PSMA1: variants seen among roughly 807,000 people sequenced by gnomAD.
PSMA1 encodes proteasome 20S subunit alpha 1, also known as proteasome subunit alpha type-1.
In PSMA1, 3 loss-of-function variants were observed where a neutral mutation model predicts 38.4. The ratio of observed to expected loss-of-function variants is 0.08; its 90% CI spans 0.04 to 0.20. The LOEUF is 0.20. Among genes scored for constraint, PSMA1 ranks in the 10% least tolerant of loss-of-function variants. The pLI is 1.00. For missense variants in PSMA1, 227 were observed against 325.3 expected, an observed-to-expected ratio of 0.70 and a Z score of 2.32; for synonymous variants, 101 against 107.1, an observed-to-expected ratio of 0.94 and a Z score of 0.35.
At chr11:14,608,020 A>G (rs1254316826) in intron 2 of PSMA1, among the ~76,000 whole-genome samples, 3 of 152,146 alleles carry the variant, frequency 2.0e-5, no homozygotes, top group Non-Finnish European at 4.4e-5. Context: ...AAGTTCTACA[A>G]TGGCACTGAA....
intron 2 of PSMA1, among the ~76,000 whole-genome samples, chr11:14,602,182 G>C (rs944572400): frequency 2.0e-4 from 31 of 152,184 alleles, no homozygotes; most frequent in Admixed American, 1.7e-3. Flanking sequence ...AGAAACTCAT[G>C]AACACTAAAT....
intron 2 of PSMA1, among the ~76,000 whole-genome samples, chr11:14,592,269 C>T (rs1852426354): frequency 6.6e-6 from 1 of 152,180 alleles, no homozygotes; most frequent in Non-Finnish European, 1.5e-5. Context: ...ATTCCGGACA[C>T]ACCAGGACCT....
At chr11:14,630,492 G>T (rs2133718503) in intron 1 of PSMA1, among the ~76,000 whole-genome samples, 1 of 152,196 alleles carries the variant, frequency 6.6e-6, no homozygotes, top group African/African-American at 2.4e-5. Context: ...TATTGAACCA[G>T]CCTTGCATCC....
intron 1 of PSMA1, among the ~76,000 whole-genome samples, chr11:14,631,640 C>G (rs555162727): frequency 5.9e-5 from 9 of 152,268 alleles, no homozygotes; most frequent in Non-Finnish European, 1.2e-4. Flanking sequence ...AATGTATATT[C>G]TGTTGATTTG....
At chr11:14,602,492 A>G (rs1189159655) in intron 2 of PSMA1, among the ~76,000 whole-genome samples, 2 of 151,908 alleles carry the variant, frequency 1.3e-5, no homozygotes, top group Admixed American at 1.3e-4. Flanking sequence ...AGTAATAGAA[A>G]CTGATTTCTA....
chr11:14,538,460 C>T (rs1851735407), intron 2 of PSMA1, among the ~76,000 whole-genome samples: 1 of 152,222 alleles, frequency 6.6e-6, no homozygotes, highest in Non-Finnish European at 1.5e-5. Flanking sequence ...GAACCAAACC[C>T]TTCCTGCTGC....
At chr11:14,528,572 C>T (rs1183361979) in intron 2 of PSMA1, among the ~76,000 whole-genome samples, 1 of 152,026 alleles carries the variant, frequency 6.6e-6, no homozygotes, top group Non-Finnish European at 1.5e-5. Flanking sequence ...TTTTCGCTGC[C>T]CCAACTCTTT....
At chr11:14,592,460 A>T (rs1852435122) in intron 2 of PSMA1, among the ~76,000 whole-genome samples, 1 of 150,742 alleles carries the variant, frequency 6.6e-6, no homozygotes, top group Admixed American at 6.6e-5. Context: ...ATCTCTGCTC[A>T]CTGCAAGCTC....
At chr11:14,569,729 G>A (rs1852115751) in intron 2 of PSMA1, among the ~76,000 whole-genome samples, 1 of 152,206 alleles carries the variant, frequency 6.6e-6, no homozygotes, top group Admixed American at 6.5e-5. Flanking sequence ...ACTGGGTGGA[G>A]CCCACCACAG....
intron 2 of PSMA1, among the ~76,000 whole-genome samples, chr11:14,537,975 C>T (rs564958048): frequency 2.2e-4 from 33 of 152,200 alleles, no homozygotes; most frequent in African/African-American, 7.0e-4. Context: ...TCCCAAAGTG[C>T]TGGGATTACA....
intron 2 of PSMA1, among the ~76,000 whole-genome samples, chr11:14,559,899 G>A (rs1374555449): frequency 6.6e-6 from 1 of 151,880 alleles, no homozygotes; most frequent in Admixed American, 6.6e-5. Flanking sequence ...AAGAGTGAAG[G>A]AAGTAGGATT....
intron 2 of PSMA1, among the ~76,000 whole-genome samples, chr11:14,550,109 C>A (rs1440912507): frequency 6.6e-6 from 1 of 152,214 alleles, no homozygotes; most frequent in East Asian, 1.9e-4. Flanking sequence ...GGGGTTATGA[C>A]TGCATCTCTT....
chr11:14,509,104 T>C lies in PSMA1; in HGVS notation c.625-1338A>G, dbSNP rs183611947. ...ACCACTCTCCATGGAACTCCACGTG[T>C]TGCTTATAACTGCTTACTCTGTACC... On this transcript the variant is annotated intron_variant, in intron 8 of 9. Transcript: ENST00000396394. 2.6e-5 allele frequency among the ~76,000 whole-genome samples: 4 copies of C among 152,320 alleles called. No individual in the cohort carries two copies. The East Asian group carries it at 7.7e-4, about 29-fold the overall frequency.
chr11:14,532,019 CT>C (rs1851652326), intron 2 of PSMA1, among the ~76,000 whole-genome samples: 1 of 152,078 alleles, frequency 6.6e-6, no homozygotes, highest in Non-Finnish European at 1.5e-5. Flanking sequence ...TCAGTTACCC[CT>C]TTGGAGAGTG....
intron 2 of PSMA1, among the ~76,000 whole-genome samples, chr11:14,584,491 G>GTTTT (rs1442575192): frequency 2.2e-5 from 3 of 134,146 alleles, no homozygotes; most frequent in African/African-American, 8.9e-5. Context: ...GGTTTGGAGT[G>GTTTT]TTTTTTTTGT....
At chr11:14,601,567 G>C (rs908264464) in intron 2 of PSMA1, among the ~76,000 whole-genome samples, 1 of 152,182 alleles carries the variant, frequency 6.6e-6, no homozygotes, top group Non-Finnish European at 1.5e-5. Context: ...TGGGTGAATG[G>C]AGGCTTAATG....
rs892796478 is a variant in PSMA1 at position 14,537,155 on chromosome 11, A to G, written c.22-18114T>C. ...CTAAGATATTGTTTACAATAAAAGT[A>G]ATATGTCCTTTAAAACTAATGTTTT... On this transcript the variant is annotated intron_variant, in intron 2 of 10. Coordinates refer to the PSMA1 transcript ENST00000418988. 2.6e-5 allele frequency among the ~76,000 whole-genome samples: 4 copies of G among 152,346 alleles called. No individual in the cohort carries two copies. The East Asian group carries it at 5.8e-4, about 22-fold the overall frequency.
intron 1 of PSMA1, among the ~76,000 whole-genome samples, chr11:14,615,851 A>G (rs1469054121): frequency 6.6e-6 from 1 of 152,158 alleles, no homozygotes; most frequent in Non-Finnish European, 1.5e-5. Context: ...CAGGGAAAGA[A>G]TCATTGTGAC....
chr11:14,627,767 T>A (rs1302482820), intron 1 of PSMA1, among the ~76,000 whole-genome samples: 1 of 152,236 alleles, frequency 6.6e-6, no homozygotes, highest in African/African-American at 2.4e-5. Flanking sequence ...TATATTCTGA[T>A]AAAACAATGA....
Sources: gnomAD v4.1 joint callset for allele counts (sites outside exome capture counted in the v4.1 genomes callset) on GRCh38, gnomAD v4.1.1 for gene constraint, MANE v1.5 for transcripts, NCBI Gene and HGNC (gene_info 2026-07-23, HGNC 2026-07-21) for gene names.